The following SOX6 variants were observed in gnomAD, a reference collection of about 807,000 sequenced individuals.
SOX6 encodes the protein transcription factor SOX-6.
SOX6 carries 11 observed loss-of-function variants against 97.8 expected under a neutral mutation model. The observed-to-expected ratio is 0.11, with a 90% CI of 0.07 to 0.19. SOX6 has a LOEUF of 0.19. Ranked by LOEUF, SOX6 falls within the 10% of genes least tolerant of loss-of-function variation. The probability of loss-of-function intolerance (pLI) is 1.00; values close to 1 mark genes in which losing one functional copy is unlikely to be tolerated. For missense variants in SOX6, 810 were observed against 1,039.5 expected, an observed-to-expected ratio of 0.78 and a Z score of 3.04; for synonymous variants, 360 against 371.4, an observed-to-expected ratio of 0.97 and a Z score of 0.35.
At chr11:16,584,054 C>T (rs912076421) in intron 4 of SOX6, among the ~76,000 whole-genome samples, 3 of 151,966 alleles carry the variant, frequency 2.0e-5, no homozygotes, top group South Asian at 2.1e-4. Context: ...GTTATCCAAG[C>T]ATTCTTTCAT....
intron 1 of SOX6, among the ~76,000 whole-genome samples, chr11:16,355,048 A>G (rs1280835431): frequency 1.3e-5 from 2 of 152,018 alleles, no homozygotes; most frequent in East Asian, 3.9e-4. Context: ...GGAGTCATAG[A>G]TTTGCTAGAC....
At chr11:15,974,607 T>A (rs1338429994) in intron 15 of SOX6, among the ~76,000 whole-genome samples, 1 of 146,470 alleles carries the variant, frequency 6.8e-6, no homozygotes, top group Non-Finnish European at 1.5e-5. Flanking sequence ...GATCTCATTG[T>A]TCAATTCCCA....
intron 12 of SOX6, among the ~76,000 whole-genome samples, chr11:16,017,433 T>A (rs1854921548): frequency 2.0e-5 from 3 of 152,094 alleles, no homozygotes; most frequent in African/African-American, 7.2e-5. Context: ...TTGGTAATAT[T>A]AAGCACTTGT....
At chr11:16,721,264 G>C (rs1421893678) in intron 2 of SOX6, among the ~76,000 whole-genome samples, 1 of 152,146 alleles carries the variant, frequency 6.6e-6, no homozygotes, top group African/African-American at 2.4e-5. Flanking sequence ...AAATGGATTT[G>C]GCACTATGGA....
At chr11:16,215,357 T>G (rs540094637) in intron 4 of SOX6, among the ~76,000 whole-genome samples, 1 of 152,290 alleles carries the variant, frequency 6.6e-6, no homozygotes, top group South Asian at 2.1e-4. Context: ...CTTTAACTAT[T>G]TCTCAAAGTT....
chr11:16,309,701 A>G (rs1855541185), intron 3 of SOX6, among the ~76,000 whole-genome samples: 1 of 152,268 alleles, frequency 6.6e-6, no homozygotes, highest in African/African-American at 2.4e-5. Context: ...ATAAATGTTT[A>G]CATTTACCAC....
At chr11:16,038,505 G>T (rs984619317) in intron 12 of SOX6, among the ~76,000 whole-genome samples, 5 of 152,032 alleles carry the variant, frequency 3.3e-5, no homozygotes, top group African/African-American at 1.2e-4. Context: ...AAGGGAGTAA[G>T]AATTTATTAA....
intron 4 of SOX6, among the ~76,000 whole-genome samples, chr11:16,556,336 T>A (rs910765786): frequency 6.6e-6 from 1 of 151,784 alleles, no homozygotes; most frequent in Non-Finnish European, 1.5e-5. Flanking sequence ...TGTACTAAAT[T>A]ATTATATGTT....
chr11:16,657,662 T>C (rs1234347848), intron 3 of SOX6, among the ~76,000 whole-genome samples: 1 of 152,224 alleles, frequency 6.6e-6, no homozygotes, highest in Non-Finnish European at 1.5e-5. Context: ...TTTTACTTTT[T>C]TGTTTTTTAG....
At chr11:16,355,732 T>G (rs1326270869) in intron 1 of SOX6, among the ~76,000 whole-genome samples, 1 of 152,032 alleles carries the variant, frequency 6.6e-6, no homozygotes, top group Non-Finnish European at 1.5e-5. Context: ...AAGATTGATT[T>G]TATTGAAAAG....
chr11:16,362,641 G>C (rs1767560384), intron 1 of SOX6, among the ~76,000 whole-genome samples: 1 of 152,086 alleles, frequency 6.6e-6, no homozygotes, highest in Non-Finnish European at 1.5e-5. Context: ...AAAAGTGGGG[G>C]AGCTAGAGTC....
At chr11:16,128,805 C>A (rs558158192) in intron 6 of SOX6, among the ~76,000 whole-genome samples, 1 of 152,034 alleles carries the variant, frequency 6.6e-6, no homozygotes, top group South Asian at 2.1e-4. Flanking sequence ...ACTAGATATG[C>A]GAATTCCAAG....
At chr11:16,671,740 A>G (rs780221384) in intron 3 of SOX6, among the ~76,000 whole-genome samples, 1 of 152,268 alleles carries the variant, frequency 6.6e-6, no homozygotes, top group Non-Finnish European at 1.5e-5. Context: ...GATATCATCC[A>G]TGAAAACTCC....
intron 15 of SOX6, 81 bp downstream of exon 15, chr11:15,986,123 C>T: frequency 7.8e-7 from 1 of 1,290,068 alleles, no homozygotes; most frequent in Non-Finnish European, 1.1e-6. Flanking sequence ...TAATCTCCTT[C>T]CCAAACATAC....
At chr11:16,093,070 G>C (rs1848725180) in intron 9 of SOX6, among the ~76,000 whole-genome samples, 1 of 151,940 alleles carries the variant, frequency 6.6e-6, no homozygotes, top group African/African-American at 2.4e-5. Flanking sequence ...GAGAGAACTG[G>C]AATAAGCAGC....
At chr11:16,222,407 T>C (rs992494430) in intron 4 of SOX6, among the ~76,000 whole-genome samples, 2 of 151,970 alleles carry the variant, frequency 1.3e-5, no homozygotes, top group Non-Finnish European at 2.9e-5. Flanking sequence ...AGAGATGGGG[T>C]CTTGCTATAT....
intron 1 of SOX6, among the ~76,000 whole-genome samples, chr11:16,392,732 C>T (rs2134428469): frequency 6.6e-6 from 1 of 152,074 alleles, no homozygotes; most frequent in African/African-American, 2.4e-5. Flanking sequence ...GGGGTAATTC[C>T]AGATATCAAT....
intron 5 of SOX6, 93 bp downstream of exon 5, chr11:16,186,690 A>G: frequency 7.3e-7 from 1 of 1,362,730 alleles, no homozygotes; most frequent in Non-Finnish European, 1.0e-6. Context: ...TTTTTTAGGA[A>G]AGCTTACAAC....
At chr11:16,099,094 A>T in intron 7 of SOX6, among the ~76,000 whole-genome samples, 1 of 151,766 alleles carries the variant, frequency 6.6e-6, no homozygotes, top group Non-Finnish European at 1.5e-5. Flanking sequence ...TCCAGTAACA[A>T]TTGGCTTCTG....
Sources: gnomAD v4.1 joint callset for allele counts (sites outside exome capture counted in the v4.1 genomes callset) on GRCh38, gnomAD v4.1.1 for gene constraint, MANE v1.5 for transcripts, NCBI Gene and HGNC (gene_info 2026-07-23, HGNC 2026-07-21) for gene names.